Variants in HGSNAT observed in about 807,000 individuals in gnomAD.
HGSNAT encodes heparan-alpha-glucosaminide N-acetyltransferase, also known as transmembrane protein 76.
HGSNAT carries 59 observed loss-of-function variants against 85.2 expected under a neutral mutation model. That is an observed-to-expected ratio of 0.69 (90% CI 0.56 to 0.86). The LOEUF (loss-of-function observed/expected upper bound fraction) is 0.86, where lower values mean the gene tolerates loss of function less well. Among genes scored for constraint, HGSNAT ranks in the 40% least tolerant of loss-of-function variants. The pLI is 0.00. For synonymous variants in HGSNAT, 321 were observed against 304.5 expected (o/e 1.05, Z -0.56); for missense variants, 756 against 777.1 (o/e 0.97, Z 0.32).
At chr8:43,158,451 AG>A in intron 2 of HGSNAT, 123 bp from the exon 3 acceptor site, 1 of 946,956 alleles carries the variant, frequency 1.1e-6, no homozygotes, top group Non-Finnish European at 1.6e-6. Context: ...TGAAATGTAG[AG>A]GTTTTTTTAT....
chr8:43,163,885 A>G (rs1803347936), intron 5 of HGSNAT, among the ~76,000 whole-genome samples: 1 of 152,218 alleles, frequency 6.6e-6, no homozygotes, highest in Non-Finnish European at 1.5e-5. Flanking sequence ...TGAATAAACT[A>G]GAAATCAGAG....
chr8:43,149,180 A>G (rs1802813565), intron 2 of HGSNAT, among the ~76,000 whole-genome samples: 1 of 152,048 alleles, frequency 6.6e-6, no homozygotes, highest in Non-Finnish European at 1.5e-5. Context: ...GTTTTAAGAA[A>G]AAAATTGCCG....
chr8:43,140,532 G>C lies in HGSNAT; in HGVS notation c.36G>C (p.Leu12=). The change falls in exon 1 of 18, where the codon CTG becomes CTC. Residue 12 remains leucine, a synonymous_variant. Transcript: ENST00000379644. ...CGGGCAGGGCGCTGGCCGCGCTGCT[G>C]CTGGCCGCGTCCGTGCTGAGCGCCG... ...SGAGRALAAL[L]LAASVLSAAL... is the part of the protein sequence containing the mutation. 8.9e-7 allele frequency: 1 copy of C among 1,127,036 alleles called. No individual in the cohort carries two copies. The allele number at this position is 1,127,036 out of a possible 1,614,324, so 69.8% of individuals were successfully genotyped here.
At chr8:43,186,032 C>T (rs187270032) in intron 11 of HGSNAT, among the ~76,000 whole-genome samples, 14 of 152,238 alleles carry the variant, frequency 9.2e-5, no homozygotes, top group East Asian at 3.9e-4. Flanking sequence ...CTGCTGGATT[C>T]GGTTTCCCAG....
chr8:43,160,414 C>T (rs1803233615), intron 4 of HGSNAT, among the ~76,000 whole-genome samples: 1 of 152,182 alleles, frequency 6.6e-6, no homozygotes, highest in African/African-American at 2.4e-5. Context: ...TGAACACATC[C>T]ACCAGTCATG....
intron 2 of HGSNAT, among the ~76,000 whole-genome samples, chr8:43,149,806 GA>G (rs1003220815): frequency 6.6e-6 from 1 of 152,020 alleles, no homozygotes; most frequent in African/African-American, 2.4e-5. Context: ...TAGTAAACCA[GA>G]TAATAAAAAT....
intron 14 of HGSNAT, chr8:43,195,688 AG>A (rs1804698980): frequency 6.9e-6 from 1 of 144,500 alleles, no homozygotes; most frequent in Non-Finnish European, 1.5e-5. Context: ...GTGGATGAGG[AG>A]GAGGAGGGTG....
intron 9 of HGSNAT, among the ~76,000 whole-genome samples, chr8:43,176,536 TG>T (rs1162491652): frequency 6.6e-6 from 1 of 152,232 alleles, no homozygotes; most frequent in African/African-American, 2.4e-5. Context: ...CTGGGTCTTT[TG>T]TGGTTCCATA....
intron 11 of HGSNAT, among the ~76,000 whole-genome samples, chr8:43,188,508 C>A (rs978212626): frequency 6.6e-6 from 1 of 152,200 alleles, no homozygotes; most frequent in African/African-American, 2.4e-5. Context: ...CATTTAAGGT[C>A]TTTTCTACAC....
At chr8:43,175,053 A>G (rs1803762335) in intron 9 of HGSNAT, among the ~76,000 whole-genome samples, 1 of 152,036 alleles carries the variant, frequency 6.6e-6, no homozygotes, top group South Asian at 2.1e-4. Flanking sequence ...GCTGTTGCAC[A>G]TGACAGGATC....
intron 6 of HGSNAT, 45 bp downstream of exon 6, chr8:43,169,287 A>T: frequency 1.6e-6 from 2 of 1,241,320 alleles, no homozygotes; most frequent in South Asian, 1.5e-5. Context: ...GGTTTTCTAA[A>T]CTTGGAATTT....
intron 6 of HGSNAT, among the ~76,000 whole-genome samples, chr8:43,170,111 G>A (rs369148635): frequency 6.6e-6 from 1 of 152,190 alleles, no homozygotes; most frequent in Non-Finnish European, 1.5e-5. Context: ...GTGAGCCACT[G>A]TGCCTACAGA....
chr8:43,199,580 T>C lies in HGSNAT; in HGVS notation c.*11T>C. On this transcript the variant is annotated 3_prime_UTR_variant, in exon 18 of 18. Transcript: ENST00000379644. ...TTTTGGAAAATCTGATGGCTCCCAC[T>C]GAGATGTGCTGCTGGAAGACTCTAG... is the stretch of plus-strand genomic sequence containing the variant. 6.6e-7 allele frequency: 1 copy of C among 1,514,828 alleles called. No homozygotes were observed. The highest frequency in any genetic ancestry group is 8.8e-7 in the Non-Finnish European group (1 of 1,130,682). 93.8% of individuals were successfully genotyped at this position (1,514,828 alleles called of 1,614,324 possible). A position where few individuals can be genotyped will look rare whatever the true frequency, so the allele number is the denominator to read the frequency against.
At chr8:43,193,641 A>G in intron 13 of HGSNAT, 116 bp from the exon 14 acceptor site, 1 of 651,374 alleles carries the variant, frequency 1.5e-6, no homozygotes. Context: ...TTCTGCAGCA[A>G]AAACAGAAAA....
intron 2 of HGSNAT, among the ~76,000 whole-genome samples, chr8:43,155,460 C>CT (rs896866834): frequency 5.1e-4 from 78 of 151,760 alleles, no homozygotes; most frequent in African/African-American, 1.7e-3. Context: ...AAAAATGAGC[C>CT]TTTTTTTTGC....
Position 43,169,894 on chromosome 8 carries a change from C to T in HGSNAT, c.633+652C>T, listed in dbSNP as rs943682263. The stretch of plus-strand genomic sequence containing the variant: ...GGAGTTCAGTGGCGTGGTCTCAACT[C>T]GCTGCAGCCTCAACCTCCTGGGCTC... On this transcript the variant is annotated intron_variant, in intron 6 of 17. Coordinates refer to ENST00000379644, the MANE Select transcript of HGSNAT (RefSeq NM_152419.3). 2.6e-5 allele frequency among the ~76,000 whole-genome samples: 4 copies of T among 152,038 alleles called. 1 individual carries two copies. Among genetic ancestry groups the T allele is most frequent in the South Asian group, 4.1e-4 (2 of 4,828 alleles).
rs1364132432 is a variant in HGSNAT at position 43,158,919 on chromosome 8, G to A, written c.372-4G>A. 1 of 1,602,660 alleles carries A rather than the reference G, an allele frequency of 6.2e-7. No homozygotes were observed. The stretch of plus-strand genomic sequence containing the variant: ...CTTGTCTTAATTTTACCTAATGTTT[G>A]TAGGTTGGAATACAGATTTGGAGAA... On this transcript the variant is annotated splice_region_variant and splice_polypyrimidine_tract_variant and intron_variant, in intron 3 of 17. Coordinates refer to ENST00000379644, the MANE Select transcript of HGSNAT (RefSeq NM_152419.3).
chr8:43,162,549 T>C (rs1308931324), intron 5 of HGSNAT, among the ~76,000 whole-genome samples: 1 of 151,620 alleles, frequency 6.6e-6, no homozygotes, highest in Non-Finnish European at 1.5e-5. Context: ...ATGGATCTAT[T>C]ATGGATTTTT....
intron 5 of HGSNAT, among the ~76,000 whole-genome samples, chr8:43,163,570 A>G (rs1011366604): frequency 3.4e-5 from 5 of 148,264 alleles, no homozygotes; most frequent in African/African-American, 1.2e-4. Flanking sequence ...TCTGCCACGC[A>G]GGCTGGAGTG....
Sources: gnomAD v4.1 joint callset for allele counts (sites outside exome capture counted in the v4.1 genomes callset) on GRCh38, gnomAD v4.1.1 for gene constraint, MANE v1.5 for transcripts, NCBI Gene and HGNC (gene_info 2026-07-23, HGNC 2026-07-21) for gene names.